Variants in SPAG16 observed in about 807,000 individuals in gnomAD.
SPAG16 encodes the protein sperm-associated antigen 16 protein.
In SPAG16, 86 loss-of-function variants were observed where a neutral mutation model predicts 80.4. The ratio of observed to expected loss-of-function variants is 1.07; its 90% CI spans 0.90 to 1.28. The LOEUF (loss-of-function observed/expected upper bound fraction) is 1.28. Among genes scored for constraint, SPAG16 ranks in the 50% most tolerant of loss-of-function variants. The pLI, the probability that SPAG16 is intolerant of heterozygous loss-of-function variation, is 0.00. For synonymous variants in SPAG16, 294 were observed against 265.9 expected (o/e 1.11, Z -1.03); for missense variants, 870 against 765.3 (o/e 1.14, Z -1.61).
intron 12 of SPAG16, among the ~76,000 whole-genome samples, chr2:213,936,854 T>A (rs992981339): frequency 2.6e-5 from 4 of 152,168 alleles, no homozygotes; most frequent in Non-Finnish European, 5.9e-5. Flanking sequence ...GCCCACTTCC[T>A]AGCATCACTT....
chr2:214,291,747 T>C (rs2125932163), intron 15 of SPAG16, among the ~76,000 whole-genome samples: 1 of 152,348 alleles, frequency 6.6e-6, no homozygotes, highest in South Asian at 2.1e-4. Flanking sequence ...TATTTTTTGT[T>C]CCTTTCTTTT....
chr2:214,029,523 G>T (rs916899518), intron 13 of SPAG16, among the ~76,000 whole-genome samples: 1 of 152,044 alleles, frequency 6.6e-6, no homozygotes, highest in Admixed American at 6.6e-5. Flanking sequence ...ATCCACTGTG[G>T]CTATTCTGAT....
At chr2:213,848,032 G>A (rs886912715) in intron 10 of SPAG16, among the ~76,000 whole-genome samples, 1 of 152,202 alleles carries the variant, frequency 6.6e-6, no homozygotes, top group East Asian at 1.9e-4. Context: ...AGGTGATTAA[G>A]CTGTGTGATT....
chr2:214,289,806 T>A (rs1693657120), intron 15 of SPAG16, among the ~76,000 whole-genome samples: 1 of 152,206 alleles, frequency 6.6e-6, no homozygotes, highest in Admixed American at 6.5e-5. Flanking sequence ...GATCTATAGA[T>A]GCTTTAAGCA....
intron 13 of SPAG16, among the ~76,000 whole-genome samples, chr2:214,016,534 C>T (rs933984805): frequency 1.1e-4 from 17 of 152,162 alleles, no homozygotes; most frequent in African/African-American, 3.6e-4. Context: ...GTAGGGACTA[C>T]ACTTTCAAAC....
chr2:214,155,797 A>G (rs1380503833), intron 15 of SPAG16, among the ~76,000 whole-genome samples: 1 of 152,100 alleles, frequency 6.6e-6, no homozygotes, highest in African/African-American at 2.4e-5. Context: ...TGGCTCATGT[A>G]TTCACCTATT....
intron 11 of SPAG16, among the ~76,000 whole-genome samples, chr2:213,908,181 A>G (rs142407679): frequency 2.6e-5 from 4 of 152,292 alleles, no homozygotes; most frequent in Non-Finnish European, 4.4e-5. Context: ...ATTCAGTTGA[A>G]GATGAGTAAG....
At chr2:214,379,763 T>TGATTA (rs1202907981) in intron 15 of SPAG16, among the ~76,000 whole-genome samples, 1 of 152,192 alleles carries the variant, frequency 6.6e-6, no homozygotes, top group Non-Finnish European at 1.5e-5. Context: ...TCATCAGAAT[T>TGATTA]GATTAGGGTA....
At chr2:213,339,489 T>G (rs2064560938) in intron 5 of SPAG16, among the ~76,000 whole-genome samples, 1 of 152,214 alleles carries the variant, frequency 6.6e-6, no homozygotes, top group Admixed American at 6.5e-5. Context: ...CATTAAATGT[T>G]CACATAGAAC....
chr2:214,143,245 T>TG (rs1559841861), intron 14 of SPAG16, among the ~76,000 whole-genome samples: 1 of 149,684 alleles, frequency 6.7e-6, no homozygotes, highest in Non-Finnish European at 1.5e-5. Flanking sequence ...TTTTTTTTTT[T>TG]TTTTTTTTTT....
In SPAG16 at chr2:213,833,558, A is replaced by ATATATATTATATAT. The variant is rs2073899332; in HGVS notation, c.1071-28920_1071-28919insTATATATTATATAT. ...ATATATAATATATATAATATATATA[A>ATATATATTATATAT]TATATATAATATATATATAATATAT... On this transcript the variant is annotated intron_variant, in intron 10 of 15. Coordinates refer to ENST00000331683, the MANE Select transcript of SPAG16 (RefSeq NM_024532.5). 4.0e-3 allele frequency among the ~76,000 whole-genome samples: 3 copies of ATATATATTATATAT among 742 alleles called. 1 individual carries two copies. The highest frequency in any genetic ancestry group is 0.013 in the African/African-American group (3 of 228). The allele number at this position is 742 out of a possible 152,430, so 0.5% of individuals were successfully genotyped here. A position where few individuals can be genotyped will look rare whatever the true frequency, so the allele number is the denominator to read the frequency against.
chr2:213,595,343 TATC>T (rs945509966), intron 10 of SPAG16, among the ~76,000 whole-genome samples: 19 of 152,160 alleles, frequency 1.2e-4, no homozygotes, highest in African/African-American at 4.6e-4. Flanking sequence ...TCATTAATAA[TATC>T]ATTTCTTTGG....
At chr2:213,913,286 C>G (rs2077762332) in intron 11 of SPAG16, among the ~76,000 whole-genome samples, 1 of 151,966 alleles carries the variant, frequency 6.6e-6, no homozygotes, top group Non-Finnish European at 1.5e-5. Flanking sequence ...ATGTTTGTTA[C>G]TAACATGTTA....
At chr2:214,317,077 C>T (rs1033685529) in intron 15 of SPAG16, among the ~76,000 whole-genome samples, 4 of 152,186 alleles carry the variant, frequency 2.6e-5, no homozygotes, top group Non-Finnish European at 5.9e-5. Flanking sequence ...GTGCCTGCTG[C>T]TGATTCCTGA....
chr2:214,186,046 A>G (rs2057460420), intron 15 of SPAG16, among the ~76,000 whole-genome samples: 1 of 151,846 alleles, frequency 6.6e-6, no homozygotes, highest in African/African-American at 2.4e-5. Context: ...GCATAAAATA[A>G]TGTTCAAAAA....
chr2:213,879,176 A>G (rs1176288292), intron 11 of SPAG16, among the ~76,000 whole-genome samples: 1 of 151,502 alleles, frequency 6.6e-6, no homozygotes, highest in Non-Finnish European at 1.5e-5. Flanking sequence ...TTTTTTTCTA[A>G]TTCTGTGAAA....
chr2:213,875,197 C>A (rs531706843), intron 11 of SPAG16, among the ~76,000 whole-genome samples: 32 of 151,874 alleles, frequency 2.1e-4, no homozygotes, highest in Non-Finnish European at 3.4e-4. Context: ...CTTTGAATCA[C>A]CCCCTTGTTA....
chr2:214,139,531 G>A (rs947953992), intron 14 of SPAG16, among the ~76,000 whole-genome samples: 9 of 152,074 alleles, frequency 5.9e-5, no homozygotes, highest in Middle Eastern at 3.4e-3. Flanking sequence ...GTAGAAAAGA[G>A]CGTCTTCAAT....
intron 9 of SPAG16, among the ~76,000 whole-genome samples, chr2:213,379,047 C>G (rs1376019185): frequency 6.6e-6 from 1 of 152,150 alleles, no homozygotes; most frequent in Admixed American, 6.5e-5. Flanking sequence ...CCAAAGTGTC[C>G]AAGTGGCAAT....
Sources: allele counts gnomAD v4.1 joint callset (sites outside exome capture counted in the v4.1 genomes callset), GRCh38; gene constraint gnomAD v4.1.1; transcripts MANE v1.5; gene names NCBI Gene and HGNC (gene_info 2026-07-23, HGNC 2026-07-21).